The following PPP6R1 variants were observed in gnomAD, a reference collection of about 807,000 sequenced individuals.
The protein encoded by PPP6R1 is serine/threonine-protein phosphatase 6 regulatory subunit 1.
Under a neutral mutation model 104.6 loss-of-function variants are expected in PPP6R1, and 39 were observed. The ratio of observed to expected loss-of-function variants is 0.37; its 90% CI spans 0.29 to 0.49. The LOEUF is 0.49. Ranked by LOEUF, PPP6R1 falls within the 20% of genes least tolerant of loss-of-function variation. The pLI is 0.98. For missense variants in PPP6R1, 1,181 were observed against 1,155.8 expected (o/e 1.02, Z -0.32); for synonymous variants, 549 against 479.0 (o/e 1.15, Z -1.91).
In PPP6R1 at chr19:55,245,382, C is replaced by T; in HGVS notation, c.435G>A (p.Lys145=). Residue 145 remains lysine (K), a synonymous_variant, in exon 4 of 24, where the codon AAG becomes AAA. Transcript: ENST00000412770. This position sits in a 1 kb window ranked among gnomAD's most constrained non-coding sequence, Gnocchi z 6.4. ...GCAGCAGGTCCACGAAGTCATCCTT[C>T]TTCCGAAGAAAGGACACGAGCTGGG... ...KTDQLVSFLR[K]KDDFVDLLLQ... is the part of the protein sequence containing the mutation. 1 of 1,613,526 alleles carries T rather than the reference C, an allele frequency of 6.2e-7. No homozygotes were observed. The highest frequency in any genetic ancestry group is 1.3e-5 in the African/African-American group (1 of 75,060).
chr19:55,240,852 T>G, intron 10 of PPP6R1, 93 bp downstream of exon 10: 3 of 1,479,494 alleles, frequency 2.0e-6, no homozygotes, highest in Non-Finnish European at 2.7e-6. Flanking sequence ...AACAAACACT[T>G]GTGGGAGGAA....
downstream of PPP6R1, chr19:55,228,331 T>G (rs1228784513): frequency 6.2e-7 from 1 of 1,613,876 alleles, no homozygotes; most frequent in Admixed American, 1.7e-5. Context: ...GGGCAGGCAC[T>G]TGACCAGGGC....
intron 1 of PPP6R1, among the ~76,000 whole-genome samples, chr19:55,251,499 G>A (rs1310186809): frequency 6.6e-6 from 1 of 152,214 alleles, no homozygotes; most frequent in Non-Finnish European, 1.5e-5. Context: ...GGGGGAAAGT[G>A]CAAGATCGCC....
chr19:55,243,169 C>A (rs1279466105), intron 5 of PPP6R1, among the ~76,000 whole-genome samples: 1 of 152,064 alleles, frequency 6.6e-6, no homozygotes, highest in Non-Finnish European at 1.5e-5. Context: ...AATCCCAGCA[C>A]TTTGGGAGGC....
intron 1 of PPP6R1, among the ~76,000 whole-genome samples, chr19:55,250,519 G>C (rs540556658): frequency 6.6e-6 from 1 of 152,298 alleles, no homozygotes; most frequent in South Asian, 2.1e-4. Context: ...TCAGGGAGGA[G>C]CCTGCCATTT....
chr19:55,233,092 T>C (rs1475223889), intron 17 of PPP6R1: 1 of 152,034 alleles, frequency 6.6e-6, no homozygotes, highest in African/African-American at 2.4e-5. Context: ...ACAGCAAAAA[T>C]AGAGGATTAT....
At chr19:55,243,404 C>CAAAAAAAAAAAAAAAAAAAAAAAAAA (rs58375899) in intron 5 of PPP6R1, among the ~76,000 whole-genome samples, 4 of 49,142 alleles carry the variant, frequency 8.1e-5, no homozygotes, top group African/African-American at 2.1e-4. Flanking sequence ...GACTCCATCT[C>CAAAAAAAAAAAAAAAAAAAAAAAAAA]AAAAAAAAAA....
In PPP6R1 at chr19:55,258,579, T is replaced by TCGCGGGGTCCGCGCAGGCGCC. The variant is rs1358863179; in HGVS notation, c.-172_-152dup. On this transcript the variant is annotated 5_prime_UTR_variant, in exon 1 of 24. Transcript: ENST00000412770. ...CGGGGACTCGCGCAGGCGCCGGGGCTCGCGGGGTCCGCGCAGGCGCCCGCG... is the reference window on the plus strand; with the variant it reads ...CGGGGACTCGCGCAGGCGCCGGGGCTCGCGGGGTCCGCGCAGGCGCCCGCGGGGTCCGCGCAGGCGCCCGCG... 78 of 148,330 alleles carry TCGCGGGGTCCGCGCAGGCGCC rather than the reference T, an allele frequency of 5.3e-4. No homozygotes were observed. Among genetic ancestry groups the TCGCGGGGTCCGCGCAGGCGCC allele is most frequent in the African/African-American group, 1.9e-3 (76 of 40,022 alleles). 9.2% of individuals were successfully genotyped at this position (148,330 alleles called of 1,614,324 possible). A position where few individuals can be genotyped will look rare whatever the true frequency, so the allele number is the denominator to read the frequency against.
chr19:55,230,262 T>C lies in PPP6R1; in HGVS notation c.*266A>G, dbSNP rs1338677340. 1.1e-5 allele frequency: 6 copies of C among 555,930 alleles called. No individual in the cohort carries two copies. The highest frequency in any genetic ancestry group is 9.2e-5 in the Admixed American group (3 of 32,724). 34.4% of individuals were successfully genotyped at this position (555,930 alleles called of 1,614,324 possible). A position where few individuals can be genotyped will look rare whatever the true frequency, so the allele number is the denominator to read the frequency against. ...CTCCCTCTCTCTATATAATATATAA[T>C]ATATGTTTCTCTCTCTCCATTCTCT... On this transcript the variant is annotated 3_prime_UTR_variant, in exon 24 of 24. Coordinates refer to ENST00000412770, the MANE Select transcript of PPP6R1 (RefSeq NM_014931.4).
At chr19:55,231,085 C>T (rs868035262) in intron 21 of PPP6R1, 68 of 618,044 alleles carry the variant, frequency 1.1e-4, no homozygotes, top group Non-Finnish European at 1.5e-4. Flanking sequence ...CCCCTCTTCC[C>T]GCCTCCTGTC....
rs752646295 is a variant in PPP6R1 at position 55,231,757 on chromosome 19, C to A, written c.2306+45G>T. ...CGGGGACCCCATGGCCACCTCCTGG[C>A]CTCGGGATACCAGCACCATTTAGCC... On this transcript the variant is annotated intron_variant, in intron 19 of 23. Coordinates refer to ENST00000412770, the MANE Select transcript of PPP6R1 (RefSeq NM_014931.4). The A allele has an allele frequency of 8.7e-6, 13 of 1,491,652 alleles. No individual in the cohort carries two copies. In the South Asian group the frequency reaches 1.8e-4, roughly 20 times the overall value. 92.4% of individuals were successfully genotyped at this position (1,491,652 alleles called of 1,614,324 possible).
At chr19:55,239,783 G>C in intron 13 of PPP6R1, 43 bp downstream of exon 13, 1 of 1,603,088 alleles carries the variant, frequency 6.2e-7, no homozygotes, top group Non-Finnish European at 8.5e-7. Flanking sequence ...GCCCAAGAGA[G>C]AGAAGCAGCA....
At chr19:55,231,528 C>A (rs1314829388) in intron 20 of PPP6R1, 37 bp from the exon 21 acceptor site, 1 of 1,597,576 alleles carries the variant, frequency 6.3e-7, no homozygotes, top group Non-Finnish European at 8.5e-7. Flanking sequence ...CAGCTCCCAG[C>A]AAGCTCGGAG....
chr19:55,236,785 G>T lies in PPP6R1; in HGVS notation c.1846C>A (p.Arg616Ser), dbSNP rs772046541. 4 of 1,613,928 alleles carry T rather than the reference G, an allele frequency of 2.5e-6. No individual in the cohort carries two copies. The East Asian group carries it at 6.7e-5, about 27-fold the overall frequency. Residue 616 changes from arginine to serine, a missense_variant, in exon 17 of 24, where the codon CGC becomes AGC. Coordinates refer to ENST00000412770, the MANE Select transcript of PPP6R1 (RefSeq NM_014931.4). Reference sequence around the variant, plus strand: ...TCATCATCATCAAACTGCTGGATGCGGTCCTTGTAGCATATCTCAAGTAGG... The same window carrying T: ...TCATCATCATCAAACTGCTGGATGCTGTCCTTGTAGCATATCTCAAGTAGG... The part of the protein sequence containing the change: ...ANLLEICYKD[R>S]IQQFDDDEEE...
In PPP6R1 at chr19:55,245,307, G is replaced by A. The variant is rs773982587; in HGVS notation, c.510C>T (p.Leu170=). 1.7e-5 allele frequency: 28 copies of A among 1,605,962 alleles called. No individual in the cohort carries two copies. Among genetic ancestry groups the A allele is most frequent in the Non-Finnish European group, 2.0e-5 (23 of 1,176,664 alleles). The change falls in exon 4 of 24, where the codon CTC becomes CTT. Residue 170 remains leucine (L), a synonymous_variant. Transcript: ENST00000412770. The surrounding 1 kb of genome is among the most constrained non-coding windows in gnomAD (Gnocchi z 6.4). ...TCAGCTGAGGCCGCTCCACACAGGTGAGCAGGCGCAGCAGGAGGTCCATGA... is the reference window on the plus strand; with the variant it reads ...TCAGCTGAGGCCGCTCCACACAGGTAAGCAGGCGCAGCAGGAGGTCCATGA... ...SAIMDLLLRL[L]TCVERPQLRQ...
chr19:55,228,642 T>A (rs780512163), downstream of PPP6R1: 2 of 1,587,880 alleles, frequency 1.3e-6, no homozygotes, highest in African/African-American at 2.7e-5. Flanking sequence ...CTGCTGGGGT[T>A]CCAGGGCCCT....
chr19:55,245,142 A>T lies in PPP6R1; in HGVS notation c.596T>A (p.Ile199Asn). 1 of 1,613,506 alleles carries T rather than the reference A, an allele frequency of 6.2e-7. No homozygotes were observed. The highest frequency in any genetic ancestry group is 8.5e-7 in the Non-Finnish European group (1 of 1,179,786). ...CACATTCTCATCCTTCGACGGGTGG[A>T]TCTGCTCAATCAGCCGCTGGACGAT... ...EKIVQRLIEQ[I>N]HPSKDENQHS... The change falls in exon 5 of 24, where the codon ATC (isoleucine) becomes AAC (asparagine). Residue 199 changes from isoleucine (I) to asparagine (N), a missense_variant. By Grantham distance (149) the Ile-to-Asn change is moderately radical (BLOSUM62 -3). Transcript: ENST00000412770. The surrounding 1 kb of genome is among the most constrained non-coding windows in gnomAD (Gnocchi z 6.4).
Position 55,258,745 on chromosome 19 carries a change from G to A in PPP6R1, c.-317C>T, listed in dbSNP as rs1352218120. ...GCGAGGTGGGCGTGCGGGCCGAGGC[G>A]GGTTGGCGAGCCGGGTCGCGAGGCC... On this transcript the variant is annotated 5_prime_UTR_variant, in exon 1 of 24. Transcript: ENST00000412770. 1.3e-5 allele frequency: 2 copies of A among 151,902 alleles called. No homozygotes were observed. Among genetic ancestry groups the A allele is most frequent in the Non-Finnish European group, 2.9e-5 (2 of 67,950 alleles). The allele number at this position is 151,902 out of a possible 1,614,324, so 9.4% of individuals were successfully genotyped here.
In PPP6R1 at chr19:55,245,065, T is replaced by C; in HGVS notation, c.618+55A>G. ...AATTCCTCTTTTAAAAGTGGGGAAG[T>C]GGGCATGGGGAAGGAACTCTAAGGG... On this transcript the variant is annotated intron_variant, in intron 5 of 23. Transcript: ENST00000412770. This position sits in a 1 kb window ranked among gnomAD's most constrained non-coding sequence, Gnocchi z 6.4. The C allele has an allele frequency of 1.9e-6, 3 of 1,593,042 alleles. No individual in the cohort carries two copies. Among genetic ancestry groups the C allele is most frequent in the Non-Finnish European group, 2.6e-6 (3 of 1,168,350 alleles).
Sources: allele counts gnomAD v4.1 joint callset (sites outside exome capture counted in the v4.1 genomes callset), GRCh38; gene constraint gnomAD v4.1.1; non-coding constraint Gnocchi (gnomAD v3.1); transcripts MANE v1.5; gene names NCBI Gene and HGNC (gene_info 2026-07-23, HGNC 2026-07-21).